The following OR9Q1 variants were observed in gnomAD, a reference collection of about 807,000 sequenced individuals.
The protein encoded by OR9Q1 is olfactory receptor 9Q1.
For synonymous variants in OR9Q1, 153 were observed against 148.6 expected (o/e 1.03, Z -0.22); for missense variants, 374 against 378.8 (o/e 0.99, Z 0.11).
intron 2 of OR9Q1, among the ~76,000 whole-genome samples, chr11:58,126,160 ACT>A (rs1403737812): frequency 6.6e-6 from 1 of 152,032 alleles, no homozygotes; most frequent in African/African-American, 2.4e-5. Context: ...TCCATGGTCA[ACT>A]CTCTAACCAC....
rs117380586 is a variant in OR9Q1 at position 58,098,397 on chromosome 11, A to G, written c.-15+42450A>G. On this transcript the variant is annotated intron_variant, in intron 2 of 2. Transcript: ENST00000335397. ...ATTTTTTTGTCATGCTAGTTACAAT[A>G]TCTCATATTTTATGATATCAATAGA... 4.2e-3 allele frequency among the ~76,000 whole-genome samples: 642 copies of G among 152,280 alleles called. 5 individuals carry two copies. The highest frequency in any genetic ancestry group is 7.0e-3 in the Non-Finnish European group (473 of 68,030).
At chr11:58,037,675 A>C (rs1420409816) in intron 1 of OR9Q1, among the ~76,000 whole-genome samples, 2 of 10,610 alleles carry the variant, frequency 1.9e-4, no homozygotes, top group Non-Finnish European at 5.2e-4. Context: ...ATATATATAT[A>C]TATATATATA....
At chr11:58,157,747 C>G (rs759426965) in intron 2 of OR9Q1, among the ~76,000 whole-genome samples, 4 of 152,186 alleles carry the variant, frequency 2.6e-5, no homozygotes, top group Non-Finnish European at 4.4e-5. Context: ...ACCAGCAGGT[C>G]CTTTCCTAAT....
chr11:58,040,674 G>T (rs906587732), intron 1 of OR9Q1: 1 of 152,296 alleles, frequency 6.6e-6, no homozygotes, highest in East Asian at 1.9e-4. Context: ...GACAGGGAGG[G>T]GTTCAGACCT....
At chr11:58,034,160 A>G (rs977194141) in intron 1 of OR9Q1, among the ~76,000 whole-genome samples, 2 of 137,692 alleles carry the variant, frequency 1.5e-5, no homozygotes, top group African/African-American at 5.6e-5. Flanking sequence ...ATCTCGGCTC[A>G]CTGCAAGCTC....
intron 2 of OR9Q1, among the ~76,000 whole-genome samples, chr11:58,121,648 A>C (rs1235673680): frequency 6.6e-6 from 1 of 152,188 alleles, no homozygotes; most frequent in South Asian, 2.1e-4. Flanking sequence ...GGAATCTGCC[A>C]ATTCAGAGTC....
At chr11:58,124,119 G>A (rs939122288) in intron 2 of OR9Q1, among the ~76,000 whole-genome samples, 1 of 152,104 alleles carries the variant, frequency 6.6e-6, no homozygotes, top group African/African-American at 2.4e-5. Flanking sequence ...GAGCAGACTG[G>A]TGACACCCAG....
intron 1 of OR9Q1, among the ~76,000 whole-genome samples, chr11:58,027,827 A>T (rs1368721825): frequency 1.3e-5 from 2 of 152,322 alleles, no homozygotes; most frequent in Non-Finnish European, 2.9e-5. Context: ...ACAAGAGCAG[A>T]TCCTTTCAAT....
At chr11:58,082,577 C>T (rs1305045291) in intron 2 of OR9Q1, among the ~76,000 whole-genome samples, 2 of 100,426 alleles carry the variant, frequency 2.0e-5, no homozygotes, top group Non-Finnish European at 3.6e-5. Context: ...AGGGGATCAT[C>T]ACACTCTGGG....
chr11:58,053,570 C>T (rs1303138062), intron 1 of OR9Q1, among the ~76,000 whole-genome samples: 1 of 109,306 alleles, frequency 9.1e-6, no homozygotes, highest in Non-Finnish European at 2.1e-5. Context: ...GCACATTGTG[C>T]ACATGTACCC....
At chr11:58,033,986 G>A (rs1382158069) in intron 1 of OR9Q1, among the ~76,000 whole-genome samples, 1 of 151,584 alleles carries the variant, frequency 6.6e-6, no homozygotes, top group Non-Finnish European at 1.5e-5. Context: ...CAACTTTAAG[G>A]ATGCAAGTTT....
chr11:58,055,038 T>C (rs1178603257), intron 1 of OR9Q1, among the ~76,000 whole-genome samples: 2 of 152,162 alleles, frequency 1.3e-5, no homozygotes, highest in Non-Finnish European at 2.9e-5. Flanking sequence ...TTTGAGCAAA[T>C]GACTTGGTTG....
Position 58,179,582 on chromosome 11 carries a change from T to A in OR9Q1, c.138T>A (p.Ile46=), listed in dbSNP as rs1854639738. 1 of 1,613,806 alleles carries A rather than the reference T, an allele frequency of 6.2e-7. No homozygotes were observed. The highest frequency in any genetic ancestry group is 8.5e-7 in the Non-Finnish European group (1 of 1,179,904). ...CCGTATTGGGGAACTTAGAGATGAT[T>A]ATTCTGATCCTCATGGATCACCAGC... is the stretch of plus-strand genomic sequence containing the variant. The part of the protein sequence containing the change: ...LITVLGNLEM[I]ILILMDHQLH... The change falls in exon 3 of 3, where the codon ATT becomes ATA. Residue 46 remains isoleucine (I), a synonymous_variant. Coordinates refer to ENST00000335397, the MANE Select transcript of OR9Q1 (RefSeq NM_001005212.4).
At chr11:58,156,293 A>G (rs936950805) in intron 2 of OR9Q1, among the ~76,000 whole-genome samples, 1 of 152,304 alleles carries the variant, frequency 6.6e-6, no homozygotes, top group East Asian at 1.9e-4. Flanking sequence ...TAAAAAGCAC[A>G]AGCCTGTCCC....
At chr11:58,143,943 A>G (rs1854274786) in intron 2 of OR9Q1, among the ~76,000 whole-genome samples, 1 of 152,192 alleles carries the variant, frequency 6.6e-6, no homozygotes. Flanking sequence ...GTGAAAATGT[A>G]AAGTGCTTTA....
At chr11:58,025,817 C>T (rs1198721711) in intron 1 of OR9Q1, among the ~76,000 whole-genome samples, 1 of 152,106 alleles carries the variant, frequency 6.6e-6, no homozygotes, top group Admixed American at 6.5e-5. Flanking sequence ...TCTCCGTGGA[C>T]CTCACAACCT....
intron 2 of OR9Q1, among the ~76,000 whole-genome samples, chr11:58,090,146 C>T (rs976049331): frequency 6.6e-6 from 1 of 152,178 alleles, no homozygotes; most frequent in Non-Finnish European, 1.5e-5. Context: ...ATTTCTTTCT[C>T]TTGTCTGATT....
At chr11:58,168,860 G>A (rs1854529640) in intron 2 of OR9Q1, among the ~76,000 whole-genome samples, 1 of 151,940 alleles carries the variant, frequency 6.6e-6, no homozygotes, top group Admixed American at 6.6e-5. Flanking sequence ...AAATTCACAG[G>A]TTTTAATAAG....
intron 1 of OR9Q1, among the ~76,000 whole-genome samples, chr11:58,045,654 C>T (rs1374806308): frequency 5.9e-5 from 9 of 152,130 alleles, no homozygotes; most frequent in Non-Finnish European, 8.8e-5. Context: ...GATCATATTC[C>T]GAAGTGTTAA....
Sources: gnomAD v4.1 joint callset for allele counts (sites outside exome capture counted in the v4.1 genomes callset) on GRCh38, gnomAD v4.1.1 for gene constraint, MANE v1.5 for transcripts, NCBI Gene and HGNC (gene_info 2026-07-23, HGNC 2026-07-21) for gene names.